NOX4: variants seen among roughly 807,000 people sequenced by gnomAD.
NOX4 encodes kidney oxidase-1.
NOX4 carries 69 observed loss-of-function variants against 87.6 expected under a neutral mutation model. The ratio of observed to expected loss-of-function variants is 0.79; its 90% CI spans 0.65 to 0.96. The LOEUF (loss-of-function observed/expected upper bound fraction) is 0.96, where lower values mean the gene tolerates loss of function less well. Ranked by LOEUF, NOX4 falls within the 40% of genes least tolerant of loss-of-function variation. The pLI, the probability that NOX4 is intolerant of heterozygous loss-of-function variation, is 0.00. For missense variants in NOX4, 680 were observed against 681.5 expected (o/e 1.00, Z 0.02); for synonymous variants, 275 against 238.2 (o/e 1.15, Z -1.42).
chr11:89,505,513 A>C, the NOX4 span, among the ~76,000 whole-genome samples: 13 of 151,978 alleles, frequency 8.6e-5, no homozygotes, highest in Admixed American at 7.2e-4. Flanking sequence ...GACTCAGAGG[A>C]GTCTCAGATA....
chr11:89,461,297 T>A (rs1945451079), intron 2 of NOX4, among the ~76,000 whole-genome samples: 1 of 151,176 alleles, frequency 6.6e-6, no homozygotes, highest in African/African-American at 2.4e-5. Context: ...ACCCTAAAAC[T>A]TAAAGTATAA....
intron 2 of NOX4, among the ~76,000 whole-genome samples, chr11:89,467,747 G>A (rs1173036660): frequency 6.6e-6 from 1 of 152,148 alleles, no homozygotes; most frequent in Non-Finnish European, 1.5e-5. Flanking sequence ...ATGAATTTTG[G>A]GGGGACACAA....
chr11:89,485,660 T>C (rs1277828239), intron 2 of NOX4, among the ~76,000 whole-genome samples: 1 of 152,144 alleles, frequency 6.6e-6, no homozygotes, highest in Non-Finnish European at 1.5e-5. Context: ...TTCTATAAAG[T>C]TCAGGCAACT....
At chr11:89,368,185 G>A (rs986067814) in intron 12 of NOX4, among the ~76,000 whole-genome samples, 16 of 151,058 alleles carry the variant, frequency 1.1e-4, no homozygotes, top group African/African-American at 2.7e-4. Context: ...TATCTTCTTC[G>A]TCCTTATTTC....
chr11:89,575,376 A>G, the NOX4 span, among the ~76,000 whole-genome samples: 1 of 152,180 alleles, frequency 6.6e-6, no homozygotes, highest in African/African-American at 2.4e-5. Context: ...TCTGTTTTAT[A>G]AGAAACAGCC....
intron 11 of NOX4, among the ~76,000 whole-genome samples, chr11:89,385,588 C>G (rs1418675243): frequency 1.3e-5 from 2 of 152,170 alleles, no homozygotes; most frequent in African/African-American, 4.8e-5. Flanking sequence ...GGTAGCCTGC[C>G]TCTTAAAACC....
the NOX4 span, among the ~76,000 whole-genome samples, chr11:89,504,757 G>A: frequency 6.6e-6 from 1 of 151,914 alleles, no homozygotes; most frequent in Non-Finnish European, 1.5e-5. Context: ...TACAAACTTT[G>A]AGCACCTCCA....
chr11:89,490,479 G>A lies in NOX4; in HGVS notation c.132C>T (p.His44=). The change falls in exon 2 of 18, where the codon CAC becomes CAT. Residue 44 remains histidine (H), a synonymous_variant. Coordinates refer to ENST00000263317, the MANE Select transcript of NOX4 (RefSeq NM_016931.5). ...FLLYNQGPEY[H]YLHQMLGLGL... is the part of the protein sequence containing the mutation. ...TTACCCCCAACATCTGGTGGAGGTAGTGATACTCTGGCCCTTGGTTATACA... is the reference window on the plus strand; with the variant it reads ...TTACCCCCAACATCTGGTGGAGGTAATGATACTCTGGCCCTTGGTTATACA... The A allele has an allele frequency of 1.2e-6, 2 of 1,613,322 alleles. No individual in the cohort carries two copies. The highest frequency in any genetic ancestry group is 8.5e-7 in the Non-Finnish European group (1 of 1,179,282).
At chr11:89,438,896 T>TCTAGATATATATATATATATAAG (rs1491107977) in intron 6 of NOX4, among the ~76,000 whole-genome samples, 3 of 15,340 alleles carry the variant, frequency 2.0e-4, no homozygotes, top group Non-Finnish European at 2.9e-4. Flanking sequence ...TATTATATAT[T>TCTAGATATATATATATATATAAG]ATATATATAA....
intron 8 of NOX4, among the ~76,000 whole-genome samples, chr11:89,415,869 A>C (rs1942739094): frequency 6.6e-6 from 1 of 152,094 alleles, no homozygotes; most frequent in African/African-American, 2.4e-5. Context: ...TGAACAACCA[A>C]ATCCTCAGCC....
intron 17 of NOX4, among the ~76,000 whole-genome samples, chr11:89,335,391 C>T (rs768486713): frequency 2.0e-5 from 3 of 151,568 alleles, no homozygotes; most frequent in Non-Finnish European, 3.0e-5. Context: ...TATTACAATG[C>T]AGAGAGTTTT....
chr11:89,425,544 G>A (rs760053872), intron 7 of NOX4, among the ~76,000 whole-genome samples: 18 of 151,604 alleles, frequency 1.2e-4, no homozygotes, highest in South Asian at 4.1e-4. Context: ...ATTTATTAAC[G>A]TAAAAATGTT....
chr11:89,568,528 CAG>C, the NOX4 span, among the ~76,000 whole-genome samples: 8 of 152,076 alleles, frequency 5.3e-5, no homozygotes, highest in African/African-American at 1.7e-4. Context: ...TGAAAGTAAT[CAG>C]AGATTAAGCA....
intron 2 of NOX4, among the ~76,000 whole-genome samples, chr11:89,458,024 C>G (rs1945284551): frequency 6.6e-6 from 1 of 152,100 alleles, no homozygotes; most frequent in Non-Finnish European, 1.5e-5. Context: ...ATCAAACTAC[C>G]AATGCCAGTC....
intron 15 of NOX4, among the ~76,000 whole-genome samples, chr11:89,338,234 T>C (rs1284329246): frequency 2.0e-5 from 3 of 152,134 alleles, no homozygotes; most frequent in Non-Finnish European, 4.4e-5. Context: ...CTCCTATAAG[T>C]GACAGCATAA....
intron 5 of NOX4, among the ~76,000 whole-genome samples, 194 bp from the exon 6 acceptor site, chr11:89,440,909 C>T (rs1280902519): frequency 6.6e-6 from 1 of 151,954 alleles, no homozygotes; most frequent in Non-Finnish European, 1.5e-5. Context: ...AAGTAAAAAC[C>T]CAATTCAGAG....
chr11:89,326,668 T>A lies in NOX4; in HGVS notation c.*88A>T, dbSNP rs182374703. 223 of 1,157,120 alleles carry A rather than the reference T, an allele frequency of 1.9e-4. No individual in the cohort carries two copies. The African/African-American group carries it at 3.1e-3, about 16-fold the overall frequency. The allele number at this position is 1,157,120 out of a possible 1,614,324, so 71.7% of individuals were successfully genotyped here. ...AAGAAAACCTTACTATTCTTTGGCA[T>A]AACACAGCTGATTGATTCCGCTGAG... is the stretch of plus-strand genomic sequence containing the variant. On this transcript the variant is annotated 3_prime_UTR_variant, in exon 18 of 18. Coordinates refer to ENST00000263317, the MANE Select transcript of NOX4 (RefSeq NM_016931.5).
chr11:89,526,802 A>T, the NOX4 span, among the ~76,000 whole-genome samples: 1 of 152,148 alleles, frequency 6.6e-6, no homozygotes, highest in African/African-American at 2.4e-5. Flanking sequence ...TCTATAAATT[A>T]CCCAGTCCCA....
chr11:89,417,475 T>A (rs556388428), intron 8 of NOX4, among the ~76,000 whole-genome samples: 2,646 of 152,222 alleles, frequency 0.017, 76 homozygotes, highest in African/African-American at 0.06. Flanking sequence ...AAACAAAAAA[T>A]TCCTCAGGAG....
Sources: allele counts gnomAD v4.1 joint callset (sites outside exome capture counted in the v4.1 genomes callset), GRCh38; gene constraint gnomAD v4.1.1; transcripts MANE v1.5; gene names NCBI Gene and HGNC (gene_info 2026-07-23, HGNC 2026-07-21).